QSOX2: variants seen among roughly 807,000 people sequenced by gnomAD.
QSOX2 encodes sulfhydryl oxidase 2.
Under a neutral mutation model 61.7 loss-of-function variants are expected in QSOX2, and 46 were observed. That is an observed-to-expected ratio of 0.75 (90% CI 0.59 to 0.95). The LOEUF (loss-of-function observed/expected upper bound fraction) is 0.95. QSOX2 is among the 40% of genes least tolerant of loss of function. QSOX2 has a pLI of 0.00. For missense variants in QSOX2, 879 were observed against 918.9 expected (o/e 0.96, Z 0.56); for synonymous variants, 383 against 388.4 (o/e 0.99, Z 0.16).
At chr9:136,215,003 G>A (rs986947424) in intron 10 of QSOX2, 151 bp downstream of exon 10, 27 of 898,934 alleles carry the variant, frequency 3.0e-5, no homozygotes, top group African/African-American at 6.8e-5. Context: ...TGAGCTGACC[G>A]TGTGAGAGGA....
rs1428902955 is a variant in QSOX2 at position 136,221,610 on chromosome 9, C to G, written c.821+186G>C. On this transcript the variant is annotated intron_variant, in intron 6 of 11. Transcript: ENST00000358701. The surrounding 1 kb of genome is among the most constrained non-coding windows in gnomAD (Gnocchi z 4.5). ...ACACAGCAGTGAGAAAACAGAAATC[C>G]ACGAAAACACAGCACAGATCAGCAA... is the stretch of plus-strand genomic sequence containing the variant. 6.6e-6 allele frequency among the ~76,000 whole-genome samples: 1 copy of G among 152,226 alleles called. No individual in the cohort carries two copies. Among genetic ancestry groups the G allele is most frequent in the African/African-American group, 2.4e-5 (1 of 41,454 alleles).
intron 6 of QSOX2, among the ~76,000 whole-genome samples, chr9:136,220,485 C>A (rs1339115584): frequency 6.6e-6 from 1 of 152,226 alleles, no homozygotes; most frequent in East Asian, 1.9e-4. Context: ...ACCTCGGAGC[C>A]CGGCGTGGTG....
rs185050758 is a variant in QSOX2, at chr9:136,208,530, C to G, written c.*198G>C. 1.4e-4 allele frequency: 84 copies of G among 604,182 alleles called. No homozygotes were observed. Among genetic ancestry groups the G allele is most frequent in the Admixed American group, 2.4e-4 (7 of 29,768 alleles). The allele number at this position is 604,182 out of a possible 1,614,324, so 37.4% of individuals were successfully genotyped here. A position where few individuals can be genotyped will look rare whatever the true frequency, so the allele number is the denominator to read the frequency against. On this transcript the variant is annotated 3_prime_UTR_variant, in exon 12 of 12. Coordinates refer to ENST00000358701, the MANE Select transcript of QSOX2 (RefSeq NM_181701.4). ...AGTACGCCAGGAATGCAAATATCCC[C>G]ACAAAATTACCCCGTGTTCTTCCCT...
chr9:136,210,019 C>T (rs1490755850), intron 11 of QSOX2: 1 of 985,444 alleles, frequency 1.0e-6, no homozygotes, highest in African/African-American at 1.7e-5. Flanking sequence ...GTAAACACAA[C>T]CACGTTTGTC....
chr9:136,225,319 T>C (rs932325319), intron 2 of QSOX2, among the ~76,000 whole-genome samples: 22 of 152,240 alleles, frequency 1.4e-4, no homozygotes, highest in African/African-American at 5.3e-4. Context: ...TCTGAGTGGA[T>C]GATTAGGTTC....
chr9:136,226,602 C>A lies in QSOX2; in HGVS notation c.429+172G>T, dbSNP rs1486330602. On this transcript the variant is annotated intron_variant, in intron 2 of 11. Transcript: ENST00000358701. ...CAGGGTGGAACAAGAGCTGCCCCCA[C>A]CAAACATCAGCTCCTACAATTCCTA... Among the ~76,000 whole-genome samples the A allele has an allele frequency of 2.0e-5, 3 of 152,292 alleles. No homozygotes were observed. The Middle Eastern group carries it at 0.01, about 518-fold the overall frequency.
intron 1 of QSOX2, among the ~76,000 whole-genome samples, chr9:136,227,512 T>C (rs1266598856): frequency 6.6e-6 from 1 of 152,200 alleles, no homozygotes; most frequent in Non-Finnish European, 1.5e-5. Context: ...GCAAATAAAA[T>C]AGAGATAAAA....
chr9:136,229,386 G>A (rs923895308), intron 1 of QSOX2, among the ~76,000 whole-genome samples: 4 of 152,236 alleles, frequency 2.6e-5, no homozygotes, highest in Admixed American at 6.5e-5. Flanking sequence ...CCACAGCCCC[G>A]GCTCCTCAGC....
rs1196218541 is a variant in QSOX2 at position 136,208,148 on chromosome 9, T to C, written c.*580A>G. ...TAGGGAAGCAGCTACAAACACAGGA[T>C]AGTCCCTGGAGCACTTGCTTGGAGG... On this transcript the variant is annotated 3_prime_UTR_variant, in exon 12 of 12. Transcript: ENST00000358701. 2 of 151,440 alleles carry C rather than the reference T, an allele frequency of 1.3e-5. No homozygotes were observed. Among genetic ancestry groups the C allele is most frequent in the Admixed American group, 6.6e-5 (1 of 15,202 alleles). The allele number at this position is 151,440 out of a possible 1,614,324, so 9.4% of individuals were successfully genotyped here.
chr9:136,213,245 T>G (rs77865272), intron 10 of QSOX2, among the ~76,000 whole-genome samples: 14 of 21,890 alleles, frequency 6.4e-4, no homozygotes, highest in East Asian at 1.4e-3. Flanking sequence ...TTTGTTGTGT[T>G]TTTTTTTTTT....
At chr9:136,236,069 C>A (rs1830378619) in intron 1 of QSOX2, among the ~76,000 whole-genome samples, 1 of 152,176 alleles carries the variant, frequency 6.6e-6, no homozygotes, top group Admixed American at 6.5e-5. Flanking sequence ...GGGGGCTGCA[C>A]CCCACCAAGT....
chr9:136,219,024 A>C lies in QSOX2; in HGVS notation c.956+6T>G. On this transcript the variant is annotated splice_donor_region_variant and intron_variant, in intron 7 of 11. Transcript: ENST00000358701. ...CCGGGGGCTTCAGTTCAAGAGGAAC[A>C]CTTGCTTGTCAAATTCTCTCCAAAC... 6.2e-7 allele frequency: 1 copy of C among 1,613,982 alleles called. No individual in the cohort carries two copies. Among genetic ancestry groups the C allele is most frequent in the Non-Finnish European group, 8.5e-7 (1 of 1,179,950 alleles).
At position 136,223,519 on chromosome 9, in the gene QSOX2, T is replaced by C. The variant is rs978216518; in HGVS notation, c.675+244A>G. ...CAAAGCCCCCTCTTAGTTTCAAACC[T>C]AGGGTTAGGCCACCTTCTGAACCCC... On this transcript the variant is annotated intron_variant, in intron 5 of 11. Coordinates refer to ENST00000358701, the MANE Select transcript of QSOX2 (RefSeq NM_181701.4). This position sits in a 1 kb window ranked among gnomAD's most constrained non-coding sequence, Gnocchi z 4.4. 2.0e-5 allele frequency among the ~76,000 whole-genome samples: 3 copies of C among 152,174 alleles called. No individual in the cohort carries two copies. The highest frequency in any genetic ancestry group is 4.8e-5 in the African/African-American group (2 of 41,448).
intron 10 of QSOX2, among the ~76,000 whole-genome samples, chr9:136,212,478 C>T (rs1295340861): frequency 1.3e-5 from 2 of 152,278 alleles, no homozygotes; most frequent in African/African-American, 2.4e-5. Context: ...CCTCAGCGTC[C>T]TGGTCGGTCC....
Position 136,208,944 on chromosome 9 carries a change from G to A in QSOX2, c.1881C>T (p.His627=). ...PRPALPESLH[H]SLDGKLQSLD... is the part of the protein sequence containing the mutation. Reference sequence around the variant, plus strand: ...GACTCTGGAGTTTCCCGTCCAAGCTGTGATGCAAGCTCTCTGGAAGGGCAG... The same window carrying A: ...GACTCTGGAGTTTCCCGTCCAAGCTATGATGCAAGCTCTCTGGAAGGGCAG... The change falls in exon 12 of 12, where the codon CAC becomes CAT. Residue 627 remains histidine, a synonymous_variant. Coordinates refer to ENST00000358701, the MANE Select transcript of QSOX2 (RefSeq NM_181701.4). 2 of 1,613,738 alleles carry A rather than the reference G, an allele frequency of 1.2e-6. No individual in the cohort carries two copies. Among genetic ancestry groups the A allele is most frequent in the Non-Finnish European group, 8.5e-7 (1 of 1,179,840 alleles).
rs370032423 is a variant in QSOX2 at position 136,239,630 on chromosome 9, T to G, written c.328+5846A>C. ...GCAGGGCGAGGGAAGTCCAGCTCCA[T>G]CCACCAGTCCGCAGGGGCAGCACCT... On this transcript the variant is annotated intron_variant, in intron 1 of 11. Transcript: ENST00000358701. Among the ~76,000 whole-genome samples, 7 of 152,248 alleles carry G rather than the reference T, an allele frequency of 4.6e-5. No individual in the cohort carries two copies. The South Asian group carries it at 6.2e-4, about 13-fold the overall frequency.
chr9:136,238,266 G>A (rs542173113), intron 1 of QSOX2, among the ~76,000 whole-genome samples: 10 of 152,220 alleles, frequency 6.6e-5, no homozygotes, highest in Non-Finnish European at 1.2e-4. Flanking sequence ...TCAGCCAGGG[G>A]CCAGGAACAA....
intron 1 of QSOX2, among the ~76,000 whole-genome samples, chr9:136,228,428 TA>T (rs1289215652): frequency 1.3e-5 from 2 of 152,228 alleles, no homozygotes; most frequent in Non-Finnish European, 2.9e-5. Context: ...GTTTTCTTTT[TA>T]AAAGATTTGT....
At chr9:136,231,664 G>A (rs905325014) in intron 1 of QSOX2, among the ~76,000 whole-genome samples, 1 of 152,216 alleles carries the variant, frequency 6.6e-6, no homozygotes, top group Non-Finnish European at 1.5e-5. Context: ...GCCCCACACT[G>A]ATCGCTCCTT....
Sources: allele counts gnomAD v4.1 joint callset (sites outside exome capture counted in the v4.1 genomes callset), GRCh38; gene constraint gnomAD v4.1.1; non-coding constraint Gnocchi (gnomAD v3.1); transcripts MANE v1.5; gene names NCBI Gene and HGNC (gene_info 2026-07-23, HGNC 2026-07-21).